Variants in ADAMTS17 observed in about 807,000 individuals in gnomAD.
The protein encoded by ADAMTS17 is A disintegrin and metalloproteinase with thrombospondin motifs 17.
ADAMTS17 carries 113 observed loss-of-function variants against 141.5 expected under a neutral mutation model. The observed-to-expected ratio is 0.80, with a 90% CI of 0.69 to 0.93. The LOEUF (loss-of-function observed/expected upper bound fraction) is 0.93. Ranked by LOEUF, ADAMTS17 falls within the 40% of genes least tolerant of loss-of-function variation. The probability of loss-of-function intolerance (pLI) is 0.00; values close to 1 mark genes in which losing one functional copy is unlikely to be tolerated. For synonymous variants in ADAMTS17, 768 were observed against 630.6 expected, an observed-to-expected ratio of 1.22 and a Z score of -3.27; for missense variants, 1,659 against 1,517.9, an observed-to-expected ratio of 1.09 and a Z score of -1.54.
In ADAMTS17 at chr15:100,020,673, C is replaced by T. The variant is rs144838968; in HGVS notation, c.2592-23084G>A. Reference sequence around the variant, plus strand: ...GAAGCAGTGACCCTGGTAGTTATGGCTTATAAAGTCCATGTTCATGGTGAA... The same window carrying T: ...GAAGCAGTGACCCTGGTAGTTATGGTTTATAAAGTCCATGTTCATGGTGAA... On this transcript the variant is annotated intron_variant, in intron 18 of 21. Transcript: ENST00000268070. Among the ~76,000 whole-genome samples the T allele has an allele frequency of 4.5e-3, 688 of 152,256 alleles. 5 individuals carry two copies. The highest frequency in any genetic ancestry group is 0.015 in the African/African-American group (640 of 41,530).
intron 8 of ADAMTS17, among the ~76,000 whole-genome samples, chr15:100,193,072 TTA>T (rs928545432): frequency 2.6e-5 from 4 of 152,334 alleles, no homozygotes; most frequent in African/African-American, 9.6e-5. Flanking sequence ...GTAATGAAAA[TTA>T]GAGAAGACTG....
intron 18 of ADAMTS17, among the ~76,000 whole-genome samples, chr15:100,001,024 G>C (rs2060910661): frequency 1.3e-5 from 2 of 151,896 alleles, no homozygotes; most frequent in South Asian, 4.1e-4. Context: ...ATGCCTGCTG[G>C]GGGCTATGGT....
chr15:99,997,463 C>A lies in ADAMTS17; in HGVS notation c.2718G>T (p.Pro906=). 1.9e-6 allele frequency: 3 copies of A among 1,613,578 alleles called. No homozygotes were observed. Among genetic ancestry groups the A allele is most frequent in the Non-Finnish European group, 2.5e-6 (3 of 1,179,976 alleles). ...THVATRPLYC[P]GPRPAAVQSC... is the part of the protein sequence containing the mutation. ...TCTGCACTGCCGCCGGCCGGGGGCC[C>A]GGGCAGTAGAGGGGCCGCGTAGCGA... The change falls in exon 19 of 22, where the codon CCG becomes CCT. Residue 906 remains proline (P), a synonymous_variant. Transcript: ENST00000268070. The surrounding 1 kb of genome is among the most constrained non-coding windows in gnomAD (Gnocchi z 4.7).
chr15:100,167,622 C>T (rs1466024192), intron 8 of ADAMTS17, among the ~76,000 whole-genome samples: 2 of 152,126 alleles, frequency 1.3e-5, no homozygotes, highest in South Asian at 4.2e-4. Flanking sequence ...GGGGGACCCC[C>T]GAGGCACCTT....
At chr15:100,318,194 G>A (rs185127046) in intron 3 of ADAMTS17, among the ~76,000 whole-genome samples, 10 of 152,204 alleles carry the variant, frequency 6.6e-5, no homozygotes, top group Admixed American at 4.6e-4. Flanking sequence ...TTCATGAGGG[G>A]TAAATCATTC....
chr15:100,210,768 C>T (rs996173274), intron 7 of ADAMTS17, among the ~76,000 whole-genome samples: 2 of 150,968 alleles, frequency 1.3e-5, no homozygotes, highest in Non-Finnish European at 2.9e-5. Context: ...GAGTTTGAGG[C>T]CAGCCCAGCC....
intron 8 of ADAMTS17, among the ~76,000 whole-genome samples, chr15:100,171,629 C>G (rs995589660): frequency 3.3e-5 from 5 of 152,188 alleles, no homozygotes; most frequent in South Asian, 4.1e-4. Flanking sequence ...CGCCAGCAGA[C>G]AGCATCCCTC....
chr15:100,272,101 A>G (rs1271967481), intron 4 of ADAMTS17, among the ~76,000 whole-genome samples: 1 of 152,154 alleles, frequency 6.6e-6, no homozygotes, highest in African/African-American at 2.4e-5. Flanking sequence ...AAGTGTTTTG[A>G]TTATTACAGC....
At chr15:100,101,123 C>T (rs924413966) in intron 14 of ADAMTS17, among the ~76,000 whole-genome samples, 2 of 152,170 alleles carry the variant, frequency 1.3e-5, no homozygotes, top group African/African-American at 4.8e-5. Context: ...CCATCTCCCT[C>T]TTGCTTCCCT....
intron 18 of ADAMTS17, among the ~76,000 whole-genome samples, chr15:100,043,749 G>A (rs1013297722): frequency 1.3e-5 from 2 of 152,254 alleles, no homozygotes; most frequent in African/African-American, 4.8e-5. Flanking sequence ...TACAGATGAA[G>A]TTTGCTGACC....
chr15:100,229,774 C>G (rs1414363849), intron 7 of ADAMTS17, among the ~76,000 whole-genome samples: 1 of 152,232 alleles, frequency 6.6e-6, no homozygotes, highest in Non-Finnish European at 1.5e-5. Context: ...CAAATGCAAA[C>G]ATCTTCCTTT....
At chr15:100,297,112 C>T (rs1237712011) in intron 3 of ADAMTS17, among the ~76,000 whole-genome samples, 1 of 152,004 alleles carries the variant, frequency 6.6e-6, no homozygotes, top group Non-Finnish European at 1.5e-5. Flanking sequence ...TAGGAGTTAA[C>T]AGATAGGGGT....
chr15:100,329,893 C>T (rs2045998765), intron 3 of ADAMTS17, among the ~76,000 whole-genome samples: 2 of 152,202 alleles, frequency 1.3e-5, no homozygotes, highest in Admixed American at 6.5e-5. Context: ...ATAATTTATT[C>T]CCAATGTCAC....
In ADAMTS17 at chr15:100,341,134, CG is replaced by C; in HGVS notation, c.354del (p.Gly119AlafsTer44). On this transcript the variant is annotated frameshift_variant, in exon 2 of 22. Transcript: ENST00000268070. LOFTEE classifies it high-confidence loss of function. ...EVEEAGAARRRGRPAELCFYS... is the reference protein window; with the variant it reads ...EVEEAGAARRXGRPAELCFYS... ...TAGAAGCACAGCTCGGCGGGGCGGC[CG>C]CGGCGCCGGGCCGCGCCCGCCTCCT... The C allele has an allele frequency of 7.0e-7, 1 of 1,438,128 alleles. No homozygotes were observed. The highest frequency in any genetic ancestry group is 1.4e-5 in the South Asian group (1 of 72,698). The allele number at this position is 1,438,128 out of a possible 1,614,324, so 89.1% of individuals were successfully genotyped here.
At chr15:100,310,117 G>C (rs894500) in intron 3 of ADAMTS17, among the ~76,000 whole-genome samples, 62,726 of 152,030 alleles carry the variant, frequency 0.41, 14,962 homozygotes, top group African/African-American at 0.66. Flanking sequence ...AAGCAGGCCC[G>C]TGACAGAAAT....
At chr15:100,119,100 T>G (rs2037317573) in intron 12 of ADAMTS17, among the ~76,000 whole-genome samples, 1 of 138,522 alleles carries the variant, frequency 7.2e-6, no homozygotes, top group Admixed American at 7.7e-5. Context: ...TGCCAAACAT[T>G]GTCAGCAAGC....
intron 14 of ADAMTS17, among the ~76,000 whole-genome samples, chr15:100,103,421 T>A (rs948786688): frequency 6.6e-6 from 1 of 152,132 alleles, no homozygotes; most frequent in Non-Finnish European, 1.5e-5. Context: ...TCTCCTAAAC[T>A]TCCCCAGTAA....
chr15:100,031,600 C>T (rs1016535020), intron 18 of ADAMTS17, among the ~76,000 whole-genome samples: 1 of 152,188 alleles, frequency 6.6e-6, no homozygotes, highest in African/African-American at 2.4e-5. Flanking sequence ...CTGTCCAGAC[C>T]AGACATCTGT....
chr15:100,337,029 A>T (rs2046227297), intron 2 of ADAMTS17, among the ~76,000 whole-genome samples: 2 of 152,100 alleles, frequency 1.3e-5, no homozygotes, highest in African/African-American at 4.8e-5. Context: ...GCCCACCACC[A>T]TGCCCAGCTA....
Sources: allele counts gnomAD v4.1 joint callset (sites outside exome capture counted in the v4.1 genomes callset), GRCh38; gene constraint gnomAD v4.1.1; non-coding constraint Gnocchi (gnomAD v3.1); transcripts MANE v1.5; gene names NCBI Gene and HGNC (gene_info 2026-07-23, HGNC 2026-07-21).